The following SUCLG2 variants were observed in gnomAD, a reference collection of about 807,000 sequenced individuals.
The protein encoded by SUCLG2 is succinate-CoA ligase GDP-forming subunit beta.
A neutral mutation model predicts 47.9 loss-of-function variants in SUCLG2; 42 were observed. The ratio of observed to expected loss-of-function variants is 0.88; its 90% CI spans 0.69 to 1.14. SUCLG2 has a LOEUF of 1.14. Among genes scored for constraint, SUCLG2 ranks in the 50% most tolerant of loss-of-function variants. The pLI is 0.00. For synonymous variants in SUCLG2, 195 were observed against 197.3 expected (o/e 0.99, Z 0.10); for missense variants, 571 against 525.9 (o/e 1.09, Z -0.84).
chr3:67,419,418 A>G (rs74712600), intron 9 of SUCLG2, among the ~76,000 whole-genome samples: 8,071 of 152,166 alleles, frequency 0.053, 261 homozygotes, highest in East Asian at 0.11. Flanking sequence ...AGAATGTCTA[A>G]TTGTCTGACT....
intron 2 of SUCLG2, among the ~76,000 whole-genome samples, chr3:67,602,163 G>C (rs1325590221): frequency 4.6e-5 from 7 of 152,080 alleles, no homozygotes; most frequent in African/African-American, 1.7e-4. Flanking sequence ...CTTTGGTTTA[G>C]ATGAAGATTC....
intron 2 of SUCLG2, among the ~76,000 whole-genome samples, chr3:67,543,302 A>AT (rs1189957132): frequency 6.6e-6 from 1 of 152,202 alleles, no homozygotes; most frequent in Non-Finnish European, 1.5e-5. Context: ...AATGACTAGC[A>AT]TTTTTTAAAA....
At chr3:67,623,732 A>C (rs1439129180) in intron 1 of SUCLG2, among the ~76,000 whole-genome samples, 2 of 152,226 alleles carry the variant, frequency 1.3e-5, no homozygotes, top group East Asian at 3.8e-4. Flanking sequence ...CACCAGTGTG[A>C]GAGGAACAAC....
downstream of SUCLG2, among the ~76,000 whole-genome samples, chr3:67,371,579 T>A (rs1327453536): frequency 6.6e-6 from 1 of 152,086 alleles, no homozygotes; most frequent in Non-Finnish European, 1.5e-5. Context: ...GTCCCGGAGG[T>A]GCCATTCACA....
intron 2 of SUCLG2, among the ~76,000 whole-genome samples, chr3:67,539,579 G>A (rs942961296): frequency 6.6e-6 from 1 of 152,162 alleles, no homozygotes; most frequent in Non-Finnish European, 1.5e-5. Flanking sequence ...ATCATAAAAT[G>A]AGTTAGGGAC....
At chr3:67,532,564 C>T (rs1175752742) in intron 2 of SUCLG2, among the ~76,000 whole-genome samples, 2 of 152,142 alleles carry the variant, frequency 1.3e-5, no homozygotes, top group African/African-American at 4.8e-5. Context: ...AAGTATGCAA[C>T]GTCTTCACTA....
At chr3:67,564,872 T>C (rs369482393) in intron 2 of SUCLG2, among the ~76,000 whole-genome samples, 6 of 152,210 alleles carry the variant, frequency 3.9e-5, no homozygotes, top group African/African-American at 1.4e-4. Flanking sequence ...TTAAAATAAT[T>C]AAAATAAGCC....
chr3:67,422,347 C>T (rs1429005917), intron 9 of SUCLG2, among the ~76,000 whole-genome samples: 4 of 151,124 alleles, frequency 2.6e-5, no homozygotes, highest in African/African-American at 7.3e-5. Flanking sequence ...TGGTGGTGTG[C>T]GCCTGTAGCC....
chr3:67,608,686 T>G (rs1210230908), intron 2 of SUCLG2, among the ~76,000 whole-genome samples: 1 of 151,964 alleles, frequency 6.6e-6, no homozygotes, highest in Non-Finnish European at 1.5e-5. Context: ...TTTTTTTTTT[T>G]TTTTTAAGAG....
At chr3:67,429,729 G>A (rs1485278687) in intron 9 of SUCLG2, among the ~76,000 whole-genome samples, 2 of 152,092 alleles carry the variant, frequency 1.3e-5, no homozygotes, top group Admixed American at 1.3e-4. Flanking sequence ...GACACACATA[G>A]GCTCAAAATA....
At chr3:67,623,848 G>C (rs551686726) in intron 1 of SUCLG2, among the ~76,000 whole-genome samples, 1 of 152,286 alleles carries the variant, frequency 6.6e-6, no homozygotes, top group African/African-American at 2.4e-5. Flanking sequence ...GATAATGTAC[G>C]TGAAGGTGCT....
chr3:67,595,366 C>T (rs1289074561), intron 2 of SUCLG2, among the ~76,000 whole-genome samples: 6 of 152,034 alleles, frequency 3.9e-5, no homozygotes, highest in Non-Finnish European at 8.8e-5. Flanking sequence ...TGAGGAGGCA[C>T]CAGGGCTTCT....
At chr3:67,543,402 G>C (rs368136319) in intron 2 of SUCLG2, among the ~76,000 whole-genome samples, 1 of 152,188 alleles carries the variant, frequency 6.6e-6, no homozygotes, top group Non-Finnish European at 1.5e-5. Flanking sequence ...CACTTTGTGA[G>C]GCCGAGGCAG....
intron 2 of SUCLG2, among the ~76,000 whole-genome samples, chr3:67,577,695 A>C (rs943901728): frequency 1.2e-3 from 187 of 152,280 alleles, no homozygotes; most frequent in Non-Finnish European, 1.7e-3. Flanking sequence ...CCTTTTCCTC[A>C]AATAAGGGCA....
downstream of SUCLG2, among the ~76,000 whole-genome samples, chr3:67,373,935 T>A (rs1701987090): frequency 2.0e-5 from 3 of 152,160 alleles, no homozygotes; most frequent in Admixed American, 2.0e-4. Flanking sequence ...TATTTGAAAA[T>A]AAAAGGCTAT....
At chr3:67,548,694 A>C (rs1470473259) in intron 2 of SUCLG2, among the ~76,000 whole-genome samples, 1 of 152,230 alleles carries the variant, frequency 6.6e-6, no homozygotes, top group East Asian at 1.9e-4. Context: ...TGTTTCTGAG[A>C]ACATATTACA....
At chr3:67,497,873 AAAC>A in intron 8 of SUCLG2, among the ~76,000 whole-genome samples, 1 of 152,172 alleles carries the variant, frequency 6.6e-6, no homozygotes, top group Non-Finnish European at 1.5e-5. Flanking sequence ...TTAGGATGCT[AAAC>A]ATCTTATGAT....
At chr3:67,621,824 C>CT (rs1168535634) in intron 1 of SUCLG2, among the ~76,000 whole-genome samples, 2 of 152,268 alleles carry the variant, frequency 1.3e-5, no homozygotes, top group East Asian at 3.9e-4. Flanking sequence ...AAATAAATTC[C>CT]TTTTCTTTAT....
chr3:67,642,941 T>TGC (rs1299418897), intron 1 of SUCLG2, among the ~76,000 whole-genome samples: 1 of 151,866 alleles, frequency 6.6e-6, no homozygotes, highest in Non-Finnish European at 1.5e-5. Flanking sequence ...TGTGTGTGTG[T>TGC]GTGTGTGTGT....
Sources: allele counts gnomAD v4.1 joint callset (sites outside exome capture counted in the v4.1 genomes callset), GRCh38; gene constraint gnomAD v4.1.1; transcripts MANE v1.5; gene names NCBI Gene and HGNC (gene_info 2026-07-23, HGNC 2026-07-21).